Variants in RGS7 observed in about 807,000 individuals in gnomAD.
RGS7 encodes regulator of G-protein signaling 7.
Under a neutral mutation model 81.1 loss-of-function variants are expected in RGS7, and 27 were observed. The observed-to-expected ratio is 0.33, with a 90% CI of 0.25 to 0.46. The LOEUF is 0.46. RGS7 is among the 20% of genes least tolerant of loss of function. RGS7 has a pLI of 1.00. For missense variants in RGS7, 396 were observed against 607.4 expected (o/e 0.65, Z 3.66); for synonymous variants, 208 against 207.7 (o/e 1.00, Z -0.01).
intron 2 of RGS7, among the ~76,000 whole-genome samples, chr1:241,193,144 G>C (rs12066226): frequency 5.3e-5 from 8 of 152,156 alleles, no homozygotes; most frequent in African/African-American, 1.7e-4. Flanking sequence ...CTTGTCTACA[G>C]CCTTCTTCCT....
chr1:241,287,931 A>G (rs889783757), intron 2 of RGS7, among the ~76,000 whole-genome samples: 8 of 152,240 alleles, frequency 5.3e-5, no homozygotes, highest in African/African-American at 1.9e-4. Flanking sequence ...GGAGGTATAC[A>G]TTATAACTTC....
At chr1:241,167,404 C>T (rs1252476233) in intron 2 of RGS7, among the ~76,000 whole-genome samples, 1 of 152,154 alleles carries the variant, frequency 6.6e-6, no homozygotes, top group African/African-American at 2.4e-5. Flanking sequence ...TCCCAGCCTG[C>T]CTTGAGATCC....
chr1:241,237,163 T>C (rs1479395139), intron 2 of RGS7, among the ~76,000 whole-genome samples: 4 of 152,248 alleles, frequency 2.6e-5, no homozygotes, highest in Non-Finnish European at 5.9e-5. Flanking sequence ...AGAAGCTTAA[T>C]GACTTTTTGC....
chr1:240,856,829 T>C (rs1412594392), intron 9 of RGS7, among the ~76,000 whole-genome samples: 1 of 152,228 alleles, frequency 6.6e-6, no homozygotes, highest in East Asian at 1.9e-4. Context: ...CTCTTATGAT[T>C]AGTGTGATTT....
rs59156625 is a variant in RGS7 at position 241,326,725 on chromosome 1, C to T, written c.78+28974G>A. Among the ~76,000 whole-genome samples the T allele has an allele frequency of 7.3e-3, 1,069 of 145,514 alleles. 24 individuals carry two copies. The highest frequency in any genetic ancestry group is 0.046 in the South Asian group (207 of 4,470). On this transcript the variant is annotated intron_variant, in intron 2 of 18. Transcript: ENST00000440928. ...TTGGGAGGCAAAGGTGGGCAGGTCGCTTGAGCTCTGGAGCTCAAGGCCAGC... is the reference window on the plus strand; with the variant it reads ...TTGGGAGGCAAAGGTGGGCAGGTCGTTTGAGCTCTGGAGCTCAAGGCCAGC...
intron 4 of RGS7, among the ~76,000 whole-genome samples, chr1:240,948,532 T>A (rs995676173): frequency 2.0e-5 from 3 of 152,102 alleles, no homozygotes; most frequent in African/African-American, 7.2e-5. Context: ...CAACCACCCC[T>A]CCCTGGTTCA....
intron 13 of RGS7, among the ~76,000 whole-genome samples, 197 bp downstream of exon 13, chr1:240,813,421 T>C (rs575149408): frequency 7.3e-4 from 14 of 19,212 alleles, no homozygotes; most frequent in African/African-American, 1.3e-3. Flanking sequence ...CAAATCTTAA[T>C]GCAAATGCAA....
intron 3 of RGS7, among the ~76,000 whole-genome samples, chr1:241,014,561 CA>C (rs976934582): frequency 6.6e-6 from 1 of 152,166 alleles, no homozygotes. Context: ...GACTGTGGCC[CA>C]ATGATGTCAC....
intron 9 of RGS7, among the ~76,000 whole-genome samples, chr1:240,845,268 T>C (rs1201497862): frequency 6.6e-6 from 1 of 152,202 alleles, no homozygotes; most frequent in Non-Finnish European, 1.5e-5. Flanking sequence ...GCATGGCTGA[T>C]AATATGTAGC....
intron 6 of RGS7, among the ~76,000 whole-genome samples, chr1:240,903,894 A>G (rs1037365133): frequency 6.6e-6 from 1 of 152,146 alleles, no homozygotes; most frequent in African/African-American, 2.4e-5. Flanking sequence ...ACCTTCTCCC[A>G]TGAGAGGAAG....
chr1:241,012,042 A>C (rs1010973112), intron 3 of RGS7, among the ~76,000 whole-genome samples: 6 of 151,964 alleles, frequency 3.9e-5, no homozygotes, highest in Admixed American at 2.6e-4. Flanking sequence ...AGATCCAAGA[A>C]CCCTTTCTTG....
chr1:241,240,836 A>T (rs142183363), intron 2 of RGS7, among the ~76,000 whole-genome samples: 1 of 152,106 alleles, frequency 6.6e-6, no homozygotes, highest in African/African-American at 2.4e-5. Context: ...AAAGTAAATA[A>T]ATCCCTGCCC....
chr1:241,118,680 G>A (rs2066036890), intron 2 of RGS7, among the ~76,000 whole-genome samples: 2 of 152,010 alleles, frequency 1.3e-5, no homozygotes, highest in African/African-American at 2.4e-5. Flanking sequence ...AGAAAACATG[G>A]TATATAAACA....
At position 241,016,579 on chromosome 1, in the gene RGS7, C is replaced by A. The variant is rs189173928; in HGVS notation, c.176-33450G>T. 6.2e-3 allele frequency among the ~76,000 whole-genome samples: 937 copies of A among 151,242 alleles called. 8 individuals carry two copies. The highest frequency in any genetic ancestry group is 0.021 in the African/African-American group (873 of 41,248). The stretch of plus-strand genomic sequence containing the variant: ...ACCAACCAAACAAACAAAAAAAAAA[C>A]CCCATAACAACGTGAGAACAAAAGA... On this transcript the variant is annotated intron_variant, in intron 3 of 18. Coordinates refer to ENST00000440928, the MANE Select transcript of RGS7 (RefSeq NM_001364886.1).
At chr1:241,013,595 A>G (rs2059082170) in intron 3 of RGS7, among the ~76,000 whole-genome samples, 1 of 152,216 alleles carries the variant, frequency 6.6e-6, no homozygotes, top group African/African-American at 2.4e-5. Flanking sequence ...AATTTTAAAC[A>G]AGCTGCACTA....
At chr1:240,987,201 T>C (rs1685793747) in intron 3 of RGS7, among the ~76,000 whole-genome samples, 1 of 152,060 alleles carries the variant, frequency 6.6e-6, no homozygotes, top group Non-Finnish European at 1.5e-5. Context: ...ATATAAGATA[T>C]GAGGACTCTG....
intron 3 of RGS7, among the ~76,000 whole-genome samples, chr1:240,999,889 C>T (rs1687882298): frequency 6.6e-6 from 1 of 152,178 alleles, no homozygotes; most frequent in Non-Finnish European, 1.5e-5. Flanking sequence ...AGGCGTGAGC[C>T]ACTGAGCCTG....
Position 241,000,389 on chromosome 1 carries a change from A to G in RGS7, c.176-17260T>C, listed in dbSNP as rs1572198956. Among the ~76,000 whole-genome samples, 6 of 152,336 alleles carry G rather than the reference A, an allele frequency of 3.9e-5. No individual in the cohort carries two copies. The South Asian group carries it at 1.2e-3, about 32-fold the overall frequency. Reference sequence around the variant, plus strand: ...GTTTTAGGGATATATTCATGTGTCCAAATGCATCAAAATTTTATACTTTAC... The same window carrying G: ...GTTTTAGGGATATATTCATGTGTCCGAATGCATCAAAATTTTATACTTTAC... On this transcript the variant is annotated intron_variant, in intron 3 of 18. Coordinates refer to ENST00000440928, the MANE Select transcript of RGS7 (RefSeq NM_001364886.1).
At chr1:240,804,438 G>A (rs1297007625) in intron 15 of RGS7, among the ~76,000 whole-genome samples, 1 of 150,706 alleles carries the variant, frequency 6.6e-6, no homozygotes, top group Non-Finnish European at 1.5e-5. Context: ...TTTACCTTAC[G>A]ATCAGATTTT....
Sources: allele counts gnomAD v4.1 joint callset (sites outside exome capture counted in the v4.1 genomes callset), GRCh38; gene constraint gnomAD v4.1.1; transcripts MANE v1.5; gene names NCBI Gene and HGNC (gene_info 2026-07-23, HGNC 2026-07-21).